ZFHX3: variants seen among roughly 807,000 people sequenced by gnomAD.
The protein encoded by ZFHX3 is zinc finger homeobox protein 3.
Under a neutral mutation model 279.1 loss-of-function variants are expected in ZFHX3, and 42 were observed. That is an observed-to-expected ratio of 0.15 (90% CI 0.12 to 0.19). The LOEUF is 0.19. ZFHX3 is among the 10% of genes least tolerant of loss of function. The pLI, the probability that ZFHX3 is intolerant of heterozygous loss-of-function variation, is 1.00. For missense variants in ZFHX3, 4,981 were observed against 4,754.0 expected (o/e 1.05, Z -1.40); for synonymous variants, 2,293 against 1,957.8 (o/e 1.17, Z -4.52).
intron 1 of ZFHX3, among the ~76,000 whole-genome samples, chr16:72,997,526 A>C (rs902361097): frequency 1.3e-4 from 20 of 152,178 alleles, no homozygotes; most frequent in African/African-American, 4.8e-4. Flanking sequence ...TTCCAGTCAG[A>C]TCACAGCCAG....
intron 2 of ZFHX3, among the ~76,000 whole-genome samples, chr16:73,601,610 G>T (rs916370129): frequency 6.6e-6 from 1 of 152,112 alleles, no homozygotes; most frequent in Non-Finnish European, 1.5e-5. Flanking sequence ...TAATCCAACA[G>T]AATGGGCATT....
At position 72,788,089 on chromosome 16, in the gene ZFHX3, GGCTGCT is replaced by G. The variant is rs752028320; in HGVS notation, c.10181_10186del (p.Gln3394_Gln3395del). On this transcript the variant is annotated inframe_deletion, in exon 10 of 10. Transcript: ENST00000268489. ...GGGGACTGGGGTTTGGCTTGCTTTG[GGCTGCT>G]GCTGCTGCACTTTTTGCTGCTGCTG... is the stretch of plus-strand genomic sequence containing the variant. The G allele has an allele frequency of 1.5e-5, 24 of 1,611,718 alleles. No homozygotes were observed. The highest frequency in any genetic ancestry group is 8.0e-5 in the African/African-American group (6 of 74,864).
chr16:73,440,299 A>C (rs1156649791), intron 3 of ZFHX3, among the ~76,000 whole-genome samples: 3 of 152,230 alleles, frequency 2.0e-5, no homozygotes, highest in Non-Finnish European at 4.4e-5. Context: ...CAGTGGAGCA[A>C]CATCCAGACA....
At chr16:73,817,281 T>C (rs1960600790) in intron 1 of ZFHX3, among the ~76,000 whole-genome samples, 1 of 152,220 alleles carries the variant, frequency 6.6e-6, no homozygotes, top group Non-Finnish European at 1.5e-5. Flanking sequence ...CAGTGGCTTA[T>C]TTCCCACCCT....
chr16:73,003,512 A>ACCCCC (rs142323888), intron 1 of ZFHX3, among the ~76,000 whole-genome samples: 5 of 120,730 alleles, frequency 4.1e-5, no homozygotes, highest in African/African-American at 6.4e-5. Flanking sequence ...ACATGGTGAG[A>ACCCCC]CCCCCCCCTC....
intron 3 of ZFHX3, among the ~76,000 whole-genome samples, chr16:73,363,632 C>G: frequency 6.6e-6 from 1 of 151,954 alleles, no homozygotes. Context: ...CACAATTAAA[C>G]TATGTCTTAA....
chr16:73,799,928 C>T (rs1166633476), intron 1 of ZFHX3, among the ~76,000 whole-genome samples: 1 of 152,078 alleles, frequency 6.6e-6, no homozygotes, highest in African/African-American at 2.4e-5. Context: ...AGGTGTAGTG[C>T]CCTCATCTGG....
intron 3 of ZFHX3, among the ~76,000 whole-genome samples, chr16:72,909,949 G>C (rs1184645871): frequency 6.6e-6 from 1 of 150,424 alleles, no homozygotes; most frequent in African/African-American, 2.5e-5. Flanking sequence ...CTGTTTCAAC[G>C]TGAAAGTCAA....
intron 1 of ZFHX3, among the ~76,000 whole-genome samples, chr16:73,843,617 C>T (rs1961368970): frequency 1.3e-5 from 2 of 152,196 alleles, no homozygotes; most frequent in South Asian, 4.1e-4. Context: ...CCCAAGACAA[C>T]AGCTCTACAA....
At chr16:73,668,717 C>T (rs1015712751) in intron 2 of ZFHX3, among the ~76,000 whole-genome samples, 1 of 149,122 alleles carries the variant, frequency 6.7e-6, no homozygotes, top group South Asian at 2.1e-4. Flanking sequence ...AACAAATTTA[C>T]AAGAAAAAAA....
At chr16:72,869,230 C>G (rs781656149) in intron 4 of ZFHX3, among the ~76,000 whole-genome samples, 5 of 152,194 alleles carry the variant, frequency 3.3e-5, no homozygotes, top group Non-Finnish European at 7.3e-5. Flanking sequence ...CACGAAACAG[C>G]AAGCCTGGCC....
chr16:73,375,259 A>G (rs562029798), intron 3 of ZFHX3, among the ~76,000 whole-genome samples: 1 of 152,220 alleles, frequency 6.6e-6, no homozygotes, highest in African/African-American at 2.4e-5. Flanking sequence ...GTTATTTTTG[A>G]TAATCATTTT....
At chr16:73,543,867 AGAGAGAGAGCGAGAGAGG>A (rs1261924684) in intron 2 of ZFHX3, 8 of 149,762 alleles carry the variant, frequency 5.3e-5, no homozygotes, top group African/African-American at 2.0e-4. Flanking sequence ...AGAGAGAGGG[AGAGAGAGAGCGAGAGAGG>A]GAGAGAGAGA....
At chr16:72,917,956 T>C (rs1035352931) in intron 3 of ZFHX3, among the ~76,000 whole-genome samples, 3 of 152,222 alleles carry the variant, frequency 2.0e-5, no homozygotes, top group Non-Finnish European at 2.9e-5. Context: ...ACTGAGTCAA[T>C]GGAATAAACA....
intron 5 of ZFHX3, among the ~76,000 whole-genome samples, chr16:73,239,276 C>CT (rs1335062564): frequency 6.6e-6 from 1 of 152,164 alleles, no homozygotes; most frequent in Non-Finnish European, 1.5e-5. Context: ...ACCTACATCA[C>CT]TTTTTTGACT....
At chr16:73,305,243 C>T (rs912651178) in intron 4 of ZFHX3, among the ~76,000 whole-genome samples, 11 of 152,008 alleles carry the variant, frequency 7.2e-5, no homozygotes, top group African/African-American at 2.7e-4. Context: ...AAGCAATTCA[C>T]CAGGGGAGCC....
intron 4 of ZFHX3, among the ~76,000 whole-genome samples, chr16:72,855,064 A>C (rs574237152): frequency 6.6e-6 from 1 of 152,286 alleles, no homozygotes; most frequent in Admixed American, 6.5e-5. Context: ...CGTTCCAATT[A>C]AACAGAGAGA....
chr16:73,137,041 G>A (rs1441096141), intron 6 of ZFHX3, among the ~76,000 whole-genome samples: 1 of 152,020 alleles, frequency 6.6e-6, no homozygotes, highest in East Asian at 1.9e-4. Flanking sequence ...AAACTCACAT[G>A]TAGGAACATT....
chr16:73,578,025 C>G (rs1351242885), intron 2 of ZFHX3, among the ~76,000 whole-genome samples: 1 of 152,228 alleles, frequency 6.6e-6, no homozygotes, highest in Non-Finnish European at 1.5e-5. Context: ...GGTTGTTGAA[C>G]AATCAGCATT....
Sources: allele counts gnomAD v4.1 joint callset (sites outside exome capture counted in the v4.1 genomes callset), GRCh38; gene constraint gnomAD v4.1.1; transcripts MANE v1.5; gene names NCBI Gene and HGNC (gene_info 2026-07-23, HGNC 2026-07-21).